The following SLC10A7 variants were observed in gnomAD, a reference collection of about 807,000 sequenced individuals.
SLC10A7 encodes solute carrier family 10 member 7, also known as sodium/bile acid cotransporter 7.
Under a neutral mutation model 43.2 loss-of-function variants are expected in SLC10A7, and 29 were observed. The ratio of observed to expected loss-of-function variants is 0.67; its 90% CI spans 0.50 to 0.92. The LOEUF is 0.92. Ranked by LOEUF, SLC10A7 falls within the 40% of genes least tolerant of loss-of-function variation. The pLI, the probability that SLC10A7 is intolerant of heterozygous loss-of-function variation, is 0.00. For missense variants in SLC10A7, 295 were observed against 403.2 expected (o/e 0.73, Z 2.30); for synonymous variants, 152 against 144.8 (o/e 1.05, Z -0.35).
intron 3 of SLC10A7, among the ~76,000 whole-genome samples, chr4:146,509,057 C>A (rs1737196316): frequency 6.6e-6 from 1 of 152,152 alleles, no homozygotes; most frequent in Non-Finnish European, 1.5e-5. Flanking sequence ...GAACATTCTG[C>A]CCCCAGAACT....
At chr4:146,388,852 G>A (rs1337459300) in intron 5 of SLC10A7, among the ~76,000 whole-genome samples, 2 of 150,952 alleles carry the variant, frequency 1.3e-5, no homozygotes, top group Non-Finnish European at 3.0e-5. Context: ...TCATGACTAA[G>A]TCCTCAAAAG....
At chr4:146,343,400 C>CT (rs1734403345) in intron 5 of SLC10A7, among the ~76,000 whole-genome samples, 1 of 152,040 alleles carries the variant, frequency 6.6e-6, no homozygotes, top group Non-Finnish European at 1.5e-5. Context: ...GTGGGCCACT[C>CT]ATCTGTGACC....
chr4:146,501,988 T>C (rs563793265), intron 4 of SLC10A7, among the ~76,000 whole-genome samples: 57 of 152,258 alleles, frequency 3.7e-4, no homozygotes, highest in Non-Finnish European at 7.4e-4. Flanking sequence ...GGAAAAAATA[T>C]TGACAAAGCA....
chr4:146,314,514 A>G (rs935937508), intron 6 of SLC10A7, among the ~76,000 whole-genome samples: 1 of 152,164 alleles, frequency 6.6e-6, no homozygotes, highest in African/African-American at 2.4e-5. Context: ...CAAGTCATAT[A>G]AAACCAGTTG....
chr4:146,501,482 A>T (rs1402462455), intron 4 of SLC10A7, among the ~76,000 whole-genome samples: 1 of 152,126 alleles, frequency 6.6e-6, no homozygotes, highest in African/African-American at 2.4e-5. Flanking sequence ...ATCACTATCA[A>T]CCTGGGCAGT....
chr4:146,337,362 T>C (rs924036396), intron 5 of SLC10A7, among the ~76,000 whole-genome samples: 1 of 151,966 alleles, frequency 6.6e-6, no homozygotes, highest in African/African-American at 2.4e-5. Flanking sequence ...GAGGTTGCAG[T>C]TTTATTTTCC....
chr4:146,371,020 T>C (rs138270359), intron 5 of SLC10A7, among the ~76,000 whole-genome samples: 4 of 152,200 alleles, frequency 2.6e-5, no homozygotes, highest in Non-Finnish European at 4.4e-5. Flanking sequence ...AATTGAGTCA[T>C]CAAACACTTT....
chr4:146,498,302 G>C (rs1736095283), intron 4 of SLC10A7, among the ~76,000 whole-genome samples: 1 of 152,012 alleles, frequency 6.6e-6, no homozygotes, highest in South Asian at 2.1e-4. Flanking sequence ...ATTTTTAGTA[G>C]AGACGAGGTT....
intron 4 of SLC10A7, among the ~76,000 whole-genome samples, chr4:146,475,840 C>G (rs891007154): frequency 6.6e-6 from 1 of 152,018 alleles, no homozygotes; most frequent in Non-Finnish European, 1.5e-5. Context: ...GAAATTAAAC[C>G]GCATATTAAA....
chr4:146,514,882 A>G, intron 2 of SLC10A7: 1 of 498,428 alleles, frequency 2.0e-6, no homozygotes, highest in Non-Finnish European at 3.6e-6. Flanking sequence ...CTTAAGTTAT[A>G]TGGCTTTTGA....
At chr4:146,512,833 C>G (rs1427370830) in intron 2 of SLC10A7, among the ~76,000 whole-genome samples, 3 of 152,042 alleles carry the variant, frequency 2.0e-5, no homozygotes, top group Non-Finnish European at 4.4e-5. Context: ...TTTGTAATAG[C>G]AAAACCTTGT....
chr4:146,256,719 C>CT (rs1433418708), intron 11 of SLC10A7, 199 bp from the exon 12 acceptor site: 2 of 1,038,326 alleles, frequency 1.9e-6, no homozygotes, highest in East Asian at 2.6e-5. Flanking sequence ...TGTCATTTCC[C>CT]CTCCCACACC....
chr4:146,409,252 CT>C (rs371962428), intron 5 of SLC10A7, among the ~76,000 whole-genome samples: 14 of 149,048 alleles, frequency 9.4e-5, no homozygotes, highest in African/African-American at 2.7e-4. Flanking sequence ...AAAAATGCAA[CT>C]TTGGAAATCT....
intron 10 of SLC10A7, among the ~76,000 whole-genome samples, chr4:146,269,005 A>G (rs1728736647): frequency 6.6e-6 from 1 of 152,226 alleles, no homozygotes; most frequent in Non-Finnish European, 1.5e-5. Context: ...CAGGCTTTGA[A>G]TAAAGGTTGG....
At chr4:146,410,764 C>A (rs866915394) in intron 5 of SLC10A7, among the ~76,000 whole-genome samples, 1 of 152,080 alleles carries the variant, frequency 6.6e-6, no homozygotes. Context: ...AGTTCCATAA[C>A]CTTGAATCTT....
At chr4:146,476,022 C>G (rs1189514728) in intron 4 of SLC10A7, among the ~76,000 whole-genome samples, 3 of 152,084 alleles carry the variant, frequency 2.0e-5, no homozygotes, top group Non-Finnish European at 2.9e-5. Flanking sequence ...CAGTTTACCT[C>G]TTATTTCAAA....
intron 5 of SLC10A7, among the ~76,000 whole-genome samples, chr4:146,382,490 T>C (rs1477234993): frequency 2.6e-5 from 4 of 152,110 alleles, no homozygotes; most frequent in African/African-American, 7.2e-5. Flanking sequence ...TGCTGACACA[T>C]AGTTGGCACT....
chr4:146,292,761 G>A (rs577255397), intron 9 of SLC10A7, among the ~76,000 whole-genome samples, 168 bp downstream of exon 9: 5 of 152,274 alleles, frequency 3.3e-5, no homozygotes, highest in Middle Eastern at 6.8e-3. Context: ...CCTTTGTAAT[G>A]TCTACAATTT....
At chr4:146,472,351 T>C (rs1289004881) in intron 4 of SLC10A7, among the ~76,000 whole-genome samples, 1 of 152,114 alleles carries the variant, frequency 6.6e-6, no homozygotes, top group Admixed American at 6.6e-5. Flanking sequence ...AGAAGAACTT[T>C]CTAATAAACT....
Sources: gnomAD v4.1 joint callset for allele counts (sites outside exome capture counted in the v4.1 genomes callset) on GRCh38, gnomAD v4.1.1 for gene constraint, MANE v1.5 for transcripts, NCBI Gene and HGNC (gene_info 2026-07-23, HGNC 2026-07-21) for gene names.